Variants in EPHA3 observed in about 807,000 individuals in gnomAD.
The protein encoded by EPHA3 is ephrin type-A receptor 3.
EPHA3 carries 42 observed loss-of-function variants against 107.1 expected under a neutral mutation model. That is an observed-to-expected ratio of 0.39 (90% CI 0.31 to 0.51). EPHA3 has a LOEUF of 0.51. EPHA3 is among the 20% of genes least tolerant of loss of function. The pLI, the probability that EPHA3 is intolerant of heterozygous loss-of-function variation, is 0.78. For missense variants in EPHA3, 1,183 were observed against 1,211.2 expected, an observed-to-expected ratio of 0.98 and a Z score of 0.35; for synonymous variants, 461 against 424.8, an observed-to-expected ratio of 1.09 and a Z score of -1.05.
intron 13 of EPHA3, among the ~76,000 whole-genome samples, chr3:89,436,810 C>T (rs748568772): frequency 3.9e-5 from 6 of 151,984 alleles, no homozygotes; most frequent in African/African-American, 1.2e-4. Context: ...CTTATGTTCT[C>T]GACAGCATGC....
At chr3:89,406,413 T>C (rs1301071077) in intron 7 of EPHA3, among the ~76,000 whole-genome samples, 1 of 152,186 alleles carries the variant, frequency 6.6e-6, no homozygotes, top group African/African-American at 2.4e-5. Context: ...TAAACTTTTT[T>C]CTGTAATAGG....
At chr3:89,225,613 C>G (rs1704484609) in intron 3 of EPHA3, among the ~76,000 whole-genome samples, 1 of 152,142 alleles carries the variant, frequency 6.6e-6, no homozygotes, top group Non-Finnish European at 1.5e-5. Flanking sequence ...GTGAGGAACA[C>G]AGGCTTACAA....
intron 2 of EPHA3, among the ~76,000 whole-genome samples, chr3:89,181,579 C>T (rs1484157810): frequency 5.9e-5 from 9 of 151,792 alleles, no homozygotes; most frequent in East Asian, 3.8e-4. Flanking sequence ...CTTAATACTG[C>T]GGTGTTTTAA....
At chr3:89,147,300 T>C (rs1704583068) in intron 2 of EPHA3, among the ~76,000 whole-genome samples, 1 of 151,572 alleles carries the variant, frequency 6.6e-6, no homozygotes, top group South Asian at 2.1e-4. Context: ...TATATACCTA[T>C]GTAACAAACC....
Position 89,343,210 on chromosome 3 carries a change from CCA to C in EPHA3, c.1306+1123_1306+1124del, listed in dbSNP as rs548465294. ...CCAAATCATGAGCCAAAAAAACTCA[CCA>C]CATTCTGTTTCCATCACCTGGCTTA... On this transcript the variant is annotated intron_variant, in intron 5 of 16. Coordinates refer to ENST00000336596, the MANE Select transcript of EPHA3 (RefSeq NM_005233.6). Among the ~76,000 whole-genome samples the C allele has an allele frequency of 6.4e-4, 98 of 152,296 alleles. 2 individuals are homozygous for C. The highest frequency in any genetic ancestry group is 2.3e-3 in the African/African-American group (95 of 41,570).
At chr3:89,139,124 C>T (rs1704374703) in intron 2 of EPHA3, among the ~76,000 whole-genome samples, 1 of 151,822 alleles carries the variant, frequency 6.6e-6, no homozygotes, top group African/African-American at 2.4e-5. Flanking sequence ...CCTCCCTTCT[C>T]AATGTAAAGT....
At chr3:89,154,671 TGTAATTG>T (rs1275731041) in intron 2 of EPHA3, among the ~76,000 whole-genome samples, 3 of 151,652 alleles carry the variant, frequency 2.0e-5, no homozygotes, top group Non-Finnish European at 4.4e-5. Context: ...TCTATCATTT[TGTAATTG>T]GTAGATTGCT....
chr3:89,343,653 C>T (rs1452195657), intron 5 of EPHA3, among the ~76,000 whole-genome samples: 1 of 152,192 alleles, frequency 6.6e-6, no homozygotes, highest in African/African-American at 2.4e-5. Context: ...CTAAATTTCT[C>T]TTTCGTTTCC....
At chr3:89,112,531 G>A (rs572513094) in intron 1 of EPHA3, among the ~76,000 whole-genome samples, 11 of 150,220 alleles carry the variant, frequency 7.3e-5, no homozygotes, top group African/African-American at 2.2e-4. Context: ...AATTTTTTTC[G>A]GAAATAAAAT....
chr3:89,147,804 C>G (rs1202730572), intron 2 of EPHA3, among the ~76,000 whole-genome samples: 1 of 151,788 alleles, frequency 6.6e-6, no homozygotes, highest in Non-Finnish European at 1.5e-5. Flanking sequence ...TGACTACTAA[C>G]AATTGAGAAA....
intron 2 of EPHA3, among the ~76,000 whole-genome samples, chr3:89,186,680 G>T (rs1434191464): frequency 6.6e-6 from 1 of 152,106 alleles, no homozygotes; most frequent in African/African-American, 2.4e-5. Context: ...GTTGAATACA[G>T]CCAGCTGGTG....
chr3:89,351,941 A>G (rs1707832380), intron 5 of EPHA3, among the ~76,000 whole-genome samples: 1 of 150,272 alleles, frequency 6.7e-6, no homozygotes, highest in African/African-American at 2.4e-5. Flanking sequence ...AAAAAAAAAA[A>G]GTGGAGAAGG....
intron 2 of EPHA3, among the ~76,000 whole-genome samples, chr3:89,137,716 T>C (rs923317912): frequency 6.6e-6 from 1 of 152,046 alleles, no homozygotes; most frequent in African/African-American, 2.4e-5. Context: ...GCTAAAATCA[T>C]TCATCTCCAT....
intron 3 of EPHA3, among the ~76,000 whole-genome samples, chr3:89,324,155 C>CTTTTTTTTT (rs749957896): frequency 5.0e-5 from 6 of 118,978 alleles, no homozygotes; most frequent in Admixed American, 8.9e-5. Context: ...AGATGTCAGT[C>CTTTTTTTTT]TTTTTTTTTT....
intron 2 of EPHA3, among the ~76,000 whole-genome samples, chr3:89,202,538 T>TAC (rs1705999072): frequency 6.8e-5 from 3 of 43,914 alleles, no homozygotes; most frequent in Admixed American, 6.6e-4. Context: ...AAAAAAAATA[T>TAC]ATATATATAT....
chr3:89,456,613 G>A (rs1292921896), intron 15 of EPHA3, among the ~76,000 whole-genome samples: 1 of 152,152 alleles, frequency 6.6e-6, no homozygotes, highest in Admixed American at 6.5e-5. Flanking sequence ...CGCTTAGAGT[G>A]TCTCCATGAA....
intron 2 of EPHA3, among the ~76,000 whole-genome samples, chr3:89,160,562 G>T (rs1288617154): frequency 7.9e-6 from 1 of 126,388 alleles, no homozygotes; most frequent in Non-Finnish European, 1.7e-5. Context: ...GTGTGTGTGT[G>T]TGTGTGTGTG....
intron 16 of EPHA3, among the ~76,000 whole-genome samples, chr3:89,474,339 T>C (rs1256826065): frequency 6.6e-6 from 1 of 152,210 alleles, no homozygotes; most frequent in Non-Finnish European, 1.5e-5. Context: ...GTTTATTGAA[T>C]AGACTTCTGA....
At chr3:89,115,809 G>T (rs1300105341) in intron 1 of EPHA3, among the ~76,000 whole-genome samples, 1 of 152,068 alleles carries the variant, frequency 6.6e-6, no homozygotes, top group Admixed American at 6.6e-5. Flanking sequence ...GCCCTCTCTC[G>T]TCTTTGTCTT....
Sources: allele counts gnomAD v4.1 joint callset (sites outside exome capture counted in the v4.1 genomes callset), GRCh38; gene constraint gnomAD v4.1.1; transcripts MANE v1.5; gene names NCBI Gene and HGNC (gene_info 2026-07-23, HGNC 2026-07-21).